Variants in TTN observed in about 807,000 individuals in gnomAD.
TTN encodes the protein titin, also known as connectin.
Under a neutral mutation model 3,223.0 loss-of-function variants are expected in TTN, and 1,525 were observed. The ratio of observed to expected loss-of-function variants is 0.47; its 90% CI spans 0.45 to 0.49. The LOEUF is 0.49. TTN is among the 20% of genes least tolerant of loss of function. TTN has a pLI of 0.00. For missense variants in TTN, 40,786 were observed against 43,424.0 expected, an observed-to-expected ratio of 0.94 and a Z score of 5.40; for synonymous variants, 14,094 against 15,161.0, an observed-to-expected ratio of 0.93 and a Z score of 5.17.
chr2:178,604,815 TATC>T lies in TTN; in HGVS notation c.54271_54273del (p.Asp18091del). 1 of 1,612,522 alleles carries T rather than the reference TATC, an allele frequency of 6.2e-7. No homozygotes were observed. Among genetic ancestry groups the T allele is most frequent in the Non-Finnish European group, 8.5e-7 (1 of 1,179,064 alleles). On this transcript the variant is annotated inframe_deletion, in exon 281 of 363. Transcript: ENST00000589042. ...TAATGGGTGATTTCACTGCCACCAT[TATC>T]AAGAGGGGCATCCCATGTCAAGTAG...
At chr2:178,648,225 C>T (rs1234633981) in intron 213 of TTN, among the ~76,000 whole-genome samples, 1 of 152,050 alleles carries the variant, frequency 6.6e-6, no homozygotes, top group East Asian at 1.9e-4. Flanking sequence ...ATTTGAAGTA[C>T]TCCAAAATAT....
Position 178,543,944 on chromosome 2 carries a change from T to C in TTN, c.96200A>G (p.Tyr32067Cys). 6.2e-7 allele frequency: 1 copy of C among 1,613,746 alleles called. No homozygotes were observed. Among genetic ancestry groups the C allele is most frequent in the Non-Finnish European group, 8.5e-7 (1 of 1,179,714 alleles). The change falls in exon 346 of 363, where the codon TAC becomes TGC. Residue 32067 changes from tyrosine (Y) to cysteine (C), a missense_variant. Transcript: ENST00000589042. ...AACTTTGTCCACTATTAGCAATGAG[T>C]AGCTCTCAGTGGTGTCAATAATTGC... ...SRAIIDTTES[Y>C]SLLIVDKVNR...
chr2:178,597,569 T>G lies in TTN; in HGVS notation c.57513A>C (p.Glu19171Asp), dbSNP rs1336572804. ...YSLLAKNEAGERKKTIIVDVL... is the reference protein window; with the variant it reads ...YSLLAKNEAGDRKKTIIVDVL... ...CATCAACAATAATTGTCTTCTTTCT[T>G]TCTCCGGCTTCATTTTTGGCAAGAA... is the stretch of plus-strand genomic sequence containing the variant. The change falls in exon 294 of 363, where the codon GAA (glutamate) becomes GAC (aspartate). Residue 19171 changes from glutamate to aspartate, a missense_variant. Coordinates refer to ENST00000589042, the MANE Select transcript of TTN (RefSeq NM_001267550.2). 2 of 1,612,584 alleles carry G rather than the reference T, an allele frequency of 1.2e-6. No individual in the cohort carries two copies. Among genetic ancestry groups the G allele is most frequent in the Non-Finnish European group, 1.7e-6 (2 of 1,179,380 alleles).
intron 58 of TTN, 28 bp from the exon 59 acceptor site, chr2:178,731,611 T>C (rs1205865773): frequency 6.3e-7 from 1 of 1,576,718 alleles, no homozygotes; most frequent in South Asian, 1.2e-5. Flanking sequence ...TCTCAATCAA[T>C]ATTATCCCTA....
In TTN at chr2:178,639,985, T is replaced by C. The variant is rs559559560; in HGVS notation, c.40786+63A>G. On this transcript the variant is annotated intron_variant, in intron 222 of 362. Transcript: ENST00000589042. ...CTTTCACCTACTATCTTTTATTAAG[T>C]ACATGTTATGTGTGTGAATACAGAA... The C allele has an allele frequency of 1.0e-3, 1,624 of 1,572,126 alleles. 47 individuals are homozygous for C. The South Asian group carries it at 0.015, about 15-fold the overall frequency.
In TTN at chr2:178,790,055, T is replaced by A; in HGVS notation, c.1861A>T (p.Lys621Ter). ...CCTCTTGATACTAAATCTTGTTCTT[T>A]GACTTTGGGTGTGGCAACTATGACT... ...PKVIVATPKV[K>*]EQDLVSRGRE... Residue 621 changes from lysine to a stop codon, truncating the protein, a stop_gained, in exon 12 of 363, where the codon AAA becomes TAA. Coordinates refer to ENST00000589042, the MANE Select transcript of TTN (RefSeq NM_001267550.2). LOFTEE classifies it high-confidence loss of function. The A allele has an allele frequency of 6.2e-7, 1 of 1,613,298 alleles. No individual in the cohort carries two copies. Among genetic ancestry groups the A allele is most frequent in the Non-Finnish European group, 8.5e-7 (1 of 1,179,494 alleles).
chr2:178,586,470 T>C, intron 308 of TTN, 35 bp downstream of exon 308: 1 of 1,602,840 alleles, frequency 6.2e-7, no homozygotes, highest in South Asian at 1.1e-5. Context: ...CTAATAAACT[T>C]ACCACATGAC....
rs774234445 is a variant in TTN at position 178,717,625 on chromosome 2, G to A, written c.25249C>T (p.Leu8417Phe). 3 of 1,613,334 alleles carry A rather than the reference G, an allele frequency of 1.9e-6. No homozygotes were observed. The highest frequency in any genetic ancestry group is 1.7e-5 in the Admixed American group (1 of 59,984). The change falls in exon 87 of 363, where the codon CTT becomes TTT. Residue 8417 changes from leucine (L) to phenylalanine (F), a missense_variant. Transcript: ENST00000589042. Reference sequence around the variant, plus strand: ...CTCTGGTCAGTTTGTAAAATCTGAAGAGTTGCTACATTATGAACAAAAGAT... The same window carrying A: ...CTCTGGTCAGTTTGTAAAATCTGAAAAGTTGCTACATTATGAACAAAAGAT... ...QTSFVHNVAT[L>F]QILQTDQSHI...
At position 178,570,379 on chromosome 2, in the gene TTN, A is replaced by G. The variant is rs762251259; in HGVS notation, c.75753T>C (p.Val25251=). Residue 25251 remains valine, a synonymous_variant, in exon 326 of 363, where the codon GTT becomes GTC. Coordinates refer to ENST00000589042, the MANE Select transcript of TTN (RefSeq NM_001267550.2). ...GCACATTGGCATCAACCACAGTCCA[A>G]ACTAAGCGGCTGGTTTCTCTCCTTT... The part of the protein sequence containing the change: ...IVERRETSRL[V]WTVVDANVQT... The G allele has an allele frequency of 2.5e-6, 4 of 1,613,188 alleles. No homozygotes were observed. The highest frequency in any genetic ancestry group is 3.4e-6 in the Non-Finnish European group (4 of 1,179,582).
At position 178,556,842 on chromosome 2, in the gene TTN, G is replaced by A; in HGVS notation, c.88306+6C>T. The A allele has an allele frequency of 6.2e-7, 1 of 1,612,798 alleles. No homozygotes were observed. Among genetic ancestry groups the A allele is most frequent in the African/African-American group, 1.3e-5 (1 of 75,040 alleles). On this transcript the variant is annotated splice_donor_region_variant and intron_variant, in intron 330 of 362. Transcript: ENST00000589042. ...AATTTTGATTCAAAGTGCTAAGCAT[G>A]CTTACCATAAGAATCGATGCAAGTA...
chr2:178,641,698 A>C (rs1253015590), intron 219 of TTN, among the ~76,000 whole-genome samples: 1 of 151,924 alleles, frequency 6.6e-6, no homozygotes, highest in Non-Finnish European at 1.5e-5. Flanking sequence ...TATCTGAAGA[A>C]ATGTAGCCTA....
chr2:178,704,482 AG>A, intron 105 of TTN, 27 bp downstream of exon 105: 1 of 1,598,280 alleles, frequency 6.3e-7, no homozygotes, highest in Non-Finnish European at 8.5e-7. Context: ...AAATCTCACA[AG>A]TATTTCATAA....
rs765423058 is a variant in TTN at position 178,756,681 on chromosome 2, T to TA, written c.10794dup (p.Lys3599Ter). Reference sequence around the variant, plus strand: ...TCATATGATGATCCTTGAAATGACTTAATTTCCTTTTGAGATATTTTGCTC... The same window carrying TA: ...TCATATGATGATCCTTGAAATGACTTAAATTTCCTTTTGAGATATTTTGCTC... On this transcript the variant is annotated frameshift_variant, in exon 46 of 363. Transcript: ENST00000589042. LOFTEE classifies it high-confidence loss of function. The TA allele has an allele frequency of 1.5e-5, 25 of 1,613,728 alleles. No individual in the cohort carries two copies. The highest frequency in any genetic ancestry group is 2.0e-5 in the Non-Finnish European group (24 of 1,179,820).
chr2:178,703,738 T>C (rs2075388533), intron 106 of TTN, among the ~76,000 whole-genome samples: 1 of 152,242 alleles, frequency 6.6e-6, no homozygotes, highest in African/African-American at 2.4e-5. Flanking sequence ...GTTATCTATA[T>C]AATTTTGTAC....
Position 178,706,489 on chromosome 2 carries a change from C to A in TTN, c.29385G>T (p.Glu9795Asp). 1 of 1,613,586 alleles carries A rather than the reference C, an allele frequency of 6.2e-7. No homozygotes were observed. Among genetic ancestry groups the A allele is most frequent in the Non-Finnish European group, 8.5e-7 (1 of 1,179,690 alleles). The stretch of plus-strand genomic sequence containing the variant: ...TTGCTCTAAGATCGCCTTCAATTTT[C>A]TCTTGTTTCTTCCTTTCATCCACCT... ...NLQVDERKKQ[E>D]KIEGDLRAML... Residue 9795 changes from glutamate (E) to aspartate (D), a missense_variant, in exon 102 of 363, where the codon GAG becomes GAT. Transcript: ENST00000589042.
chr2:178,552,456 A>G lies in TTN; in HGVS notation c.90444T>C (p.Asn30148=), dbSNP rs1370244541. The G allele has an allele frequency of 6.2e-7, 1 of 1,608,640 alleles. No homozygotes were observed. The highest frequency in any genetic ancestry group is 2.2e-5 in the East Asian group (1 of 44,672). Residue 30148 remains asparagine, a synonymous_variant, in exon 335 of 363, where the codon AAT becomes AAC. Coordinates refer to ENST00000589042, the MANE Select transcript of TTN (RefSeq NM_001267550.2). Reference sequence around the variant, plus strand: ...CCTTATAAGGTAATTCAAGGTGCACATTGTGCCCAATTCTCACAGTGACTT... The same window carrying G: ...CCTTATAAGGTAATTCAAGGTGCACGTTGTGCCCAATTCTCACAGTGACTT... ...GAQVTVRIGH[N]VHLELPYKGK...
Position 178,542,799 on chromosome 2 carries a change from C to T in TTN, c.97055G>A (p.Arg32352His), listed in dbSNP as rs575939045. The T allele has an allele frequency of 1.5e-4, 243 of 1,613,766 alleles. No individual in the cohort carries two copies. Among genetic ancestry groups the T allele is most frequent in the Non-Finnish European group, 2.0e-4 (231 of 1,179,762 alleles). ...FAGSKLRESE[R>H]VTVETHTKVA... ...TTTAGTGTGAGTTTCAACTGTGACA[C>T]GCTCTGATTCTCTCAGTTTAGAACC... The change falls in exon 348 of 363, where the codon CGT becomes CAT. Residue 32352 changes from arginine (R) to histidine (H), a missense_variant. Arg to His is a conservative substitution (Grantham distance 29). Transcript: ENST00000589042.
In TTN at chr2:178,709,756, T is replaced by C. The variant is rs1028797783; in HGVS notation, c.28563A>G (p.Gln9521=). 5 of 1,613,874 alleles carry C rather than the reference T, an allele frequency of 3.1e-6. No individual in the cohort carries two copies. The highest frequency in any genetic ancestry group is 4.2e-6 in the Non-Finnish European group (5 of 1,179,820). Reference sequence around the variant, plus strand: ...TTTTGTACCAGGCAACAGTTATAGGTTGGGAACCAGCCACACGTCCCTCAA... The same window carrying C: ...TTTTGTACCAGGCAACAGTTATAGGCTGGGAACCAGCCACACGTCCCTCAA... The part of the protein sequence containing the change: ...FKLEGRVAGS[Q]PITVAWYKNN... The change falls in exon 99 of 363, where the codon CAA becomes CAG. Residue 9521 remains glutamine, a synonymous_variant. Coordinates refer to ENST00000589042, the MANE Select transcript of TTN (RefSeq NM_001267550.2).
chr2:178,707,059 G>A lies in TTN; in HGVS notation c.29042-105C>T, dbSNP rs903029302. The A allele has an allele frequency of 1.8e-5, 17 of 933,696 alleles. No individual in the cohort carries two copies. The Admixed American group carries it at 4.9e-4, about 27-fold the overall frequency. The allele number at this position is 933,696 out of a possible 1,614,324, so 57.8% of individuals were successfully genotyped here. On this transcript the variant is annotated intron_variant, in intron 100 of 362. Coordinates refer to ENST00000589042, the MANE Select transcript of TTN (RefSeq NM_001267550.2). ...AGGAGGTTGGCAGTTTGATAAGTAAGTACTGCAGAATTCTCTTTCTATGTA... is the reference window on the plus strand; with the variant it reads ...AGGAGGTTGGCAGTTTGATAAGTAAATACTGCAGAATTCTCTTTCTATGTA...
Sources: allele counts gnomAD v4.1 joint callset (sites outside exome capture counted in the v4.1 genomes callset), GRCh38; gene constraint gnomAD v4.1.1; transcripts MANE v1.5; gene names NCBI Gene and HGNC (gene_info 2026-07-23, HGNC 2026-07-21).